Variants in ARNT2 observed in about 807,000 individuals in gnomAD.
ARNT2 encodes the protein aryl hydrocarbon receptor nuclear translocator 2, also known as ARNT protein 2.
In ARNT2, 36 loss-of-function variants were observed where a neutral mutation model predicts 91.7. The observed-to-expected ratio is 0.39, with a 90% CI of 0.30 to 0.52. ARNT2 has a LOEUF of 0.52. Ranked by LOEUF, ARNT2 falls within the 20% of genes least tolerant of loss-of-function variation. ARNT2 has a pLI of 0.72. For missense variants in ARNT2, 775 were observed against 939.3 expected, an observed-to-expected ratio of 0.83 and a Z score of 2.29; for synonymous variants, 365 against 347.1, an observed-to-expected ratio of 1.05 and a Z score of -0.57.
chr15:80,455,465 A>G lies in ARNT2; in HGVS notation c.147-2464A>G, dbSNP rs186867383. 5.4e-3 allele frequency among the ~76,000 whole-genome samples: 820 copies of G among 151,752 alleles called. 7 individuals are homozygous for G. The highest frequency in any genetic ancestry group is 0.019 in the African/African-American group (778 of 41,342). ...TGGAGCAAGGCCATCTCTTTCTCAT[A>G]CCCTCTGCTTGATTGAGCCACAGCT... On this transcript the variant is annotated intron_variant, in intron 2 of 18. Coordinates refer to ENST00000303329, the MANE Select transcript of ARNT2 (RefSeq NM_014862.4).
chr15:80,510,771 G>A (rs1897330154), intron 6 of ARNT2, among the ~76,000 whole-genome samples: 1 of 152,130 alleles, frequency 6.6e-6, no homozygotes, highest in South Asian at 2.1e-4. Context: ...GGAAGTTGCA[G>A]TGAGCCGAGA....
chr15:80,528,122 G>T (rs1170333824), intron 8 of ARNT2, among the ~76,000 whole-genome samples: 1 of 152,222 alleles, frequency 6.6e-6, no homozygotes, highest in Non-Finnish European at 1.5e-5. Flanking sequence ...CGTGCACATG[G>T]GGAGGGGTGT....
chr15:80,467,995 C>G (rs971671680), intron 3 of ARNT2, among the ~76,000 whole-genome samples: 2 of 152,110 alleles, frequency 1.3e-5, no homozygotes, highest in Non-Finnish European at 2.9e-5. Context: ...TTTTTCATCA[C>G]TTTCTTTCAT....
At position 80,566,242 on chromosome 15, in the gene ARNT2, T is replaced by G. The variant is rs140968736; in HGVS notation, c.1316+3003T>G. Reference sequence around the variant, plus strand: ...ATTATGTTTGGTCTTCTAAATGCCCTGCCTGCCTTCTTCCTCTAACTCTGG... The same window carrying G: ...ATTATGTTTGGTCTTCTAAATGCCCGGCCTGCCTTCTTCCTCTAACTCTGG... On this transcript the variant is annotated intron_variant, in intron 12 of 18. Transcript: ENST00000303329. 3.4e-3 allele frequency among the ~76,000 whole-genome samples: 519 copies of G among 152,280 alleles called. 10 individuals are homozygous for G. Among genetic ancestry groups the G allele is most frequent in the African/African-American group, 0.012 (507 of 41,532 alleles).
chr15:80,480,983 C>T (rs1595981018), intron 5 of ARNT2, among the ~76,000 whole-genome samples: 1 of 152,338 alleles, frequency 6.6e-6, no homozygotes, highest in African/African-American at 2.4e-5. Flanking sequence ...GCAGGAATCC[C>T]CAGCTGTTGT....
chr15:80,431,712 C>A (rs940247294), intron 1 of ARNT2, among the ~76,000 whole-genome samples: 1 of 152,154 alleles, frequency 6.6e-6, no homozygotes, highest in Non-Finnish European at 1.5e-5. Flanking sequence ...TCCAGGCTAC[C>A]GGTTGTTGTC....
At chr15:80,434,225 A>T (rs1296130892) in intron 1 of ARNT2, 1 of 152,192 alleles carries the variant, frequency 6.6e-6, no homozygotes, top group Non-Finnish European at 1.5e-5. Flanking sequence ...GCAAGAGAAG[A>T]TCAGAGAAAT....
chr15:80,465,170 T>G (rs1896635692), intron 3 of ARNT2, among the ~76,000 whole-genome samples: 1 of 152,184 alleles, frequency 6.6e-6, no homozygotes, highest in African/African-American at 2.4e-5. Context: ...TTTGGTGAAT[T>G]GTCCAAGAGC....
chr15:80,455,603 T>A (rs1170453242), intron 2 of ARNT2, among the ~76,000 whole-genome samples: 1 of 152,086 alleles, frequency 6.6e-6, no homozygotes, highest in Non-Finnish European at 1.5e-5. Context: ...TGACCAACCA[T>A]CCTGGTGTGT....
At chr15:80,527,905 G>C (rs76125188) in intron 8 of ARNT2, among the ~76,000 whole-genome samples, 4 of 152,158 alleles carry the variant, frequency 2.6e-5, no homozygotes, top group Non-Finnish European at 4.4e-5. Context: ...AGGGGGCCTT[G>C]TGTGCTAAGC....
chr15:80,447,009 T>C (rs1896315713), intron 1 of ARNT2, among the ~76,000 whole-genome samples: 1 of 152,166 alleles, frequency 6.6e-6, no homozygotes, highest in African/African-American at 2.4e-5. Flanking sequence ...GGGAGAAAAT[T>C]AGAATATTCA....
intron 8 of ARNT2, among the ~76,000 whole-genome samples, chr15:80,544,780 A>G (rs1897964812): frequency 6.6e-6 from 1 of 152,232 alleles, no homozygotes; most frequent in South Asian, 2.1e-4. Flanking sequence ...ATAGAGAGGC[A>G]AACTATTTTT....
At chr15:80,561,710 C>A (rs920075037) in intron 11 of ARNT2, among the ~76,000 whole-genome samples, 3 of 152,182 alleles carry the variant, frequency 2.0e-5, no homozygotes, top group African/African-American at 7.2e-5. Flanking sequence ...TGTGAATCCT[C>A]CCTTTGGCCA....
chr15:80,506,093 C>T (rs558773689), intron 5 of ARNT2, among the ~76,000 whole-genome samples: 6 of 152,002 alleles, frequency 3.9e-5, no homozygotes, highest in Non-Finnish European at 8.8e-5. Context: ...CCCGCCACCG[C>T]GCCTGGCTAA....
chr15:80,446,546 G>A (rs938006565), intron 1 of ARNT2, among the ~76,000 whole-genome samples: 1 of 152,170 alleles, frequency 6.6e-6, no homozygotes, highest in Non-Finnish European at 1.5e-5. Flanking sequence ...CCTCCGCCTG[G>A]GCACCACAAG....
intron 11 of ARNT2, among the ~76,000 whole-genome samples, chr15:80,562,507 A>G (rs1898383363): frequency 6.6e-6 from 1 of 152,240 alleles, no homozygotes; most frequent in Non-Finnish European, 1.5e-5. Flanking sequence ...ATTTGAAATC[A>G]TATTACAACA....
At position 80,428,883 on chromosome 15, in the gene ARNT2, A is replaced by G. The variant is rs181642970; in HGVS notation, c.32-21997A>G. On this transcript the variant is annotated intron_variant, in intron 1 of 18. Transcript: ENST00000303329. The stretch of plus-strand genomic sequence containing the variant: ...GTAATGAACTGACTCCTCAATGTTC[A>G]TTCGACACATGCTTCCTGCCAGCAA... 1.7e-3 allele frequency among the ~76,000 whole-genome samples: 252 copies of G among 152,354 alleles called. 1 individual carries two copies. Among genetic ancestry groups the G allele is most frequent in the African/African-American group, 5.6e-3 (234 of 41,584 alleles).
At chr15:80,585,855 C>T (rs1358289881) in intron 17 of ARNT2, among the ~76,000 whole-genome samples, 1 of 152,196 alleles carries the variant, frequency 6.6e-6, no homozygotes, top group African/African-American at 2.4e-5. Flanking sequence ...AACACCTGAT[C>T]CAGGAAGAGA....
intron 2 of ARNT2, among the ~76,000 whole-genome samples, chr15:80,456,429 CA>C (rs550507693): frequency 8.0e-4 from 121 of 152,118 alleles, no homozygotes; most frequent in Non-Finnish European, 1.5e-3. Flanking sequence ...CCAGAGATTC[CA>C]AATTAGCAGG....
Sources: allele counts gnomAD v4.1 joint callset (sites outside exome capture counted in the v4.1 genomes callset), GRCh38; gene constraint gnomAD v4.1.1; transcripts MANE v1.5; gene names NCBI Gene and HGNC (gene_info 2026-07-23, HGNC 2026-07-21).